Variants in SYN3 observed in about 807,000 individuals in gnomAD.
SYN3 encodes the protein synapsin III.
SYN3 carries 35 observed loss-of-function variants against 65.8 expected under a neutral mutation model. The ratio of observed to expected loss-of-function variants is 0.53; its 90% CI spans 0.41 to 0.70. The LOEUF is 0.70. Among genes scored for constraint, SYN3 ranks in the 30% least tolerant of loss-of-function variants. The pLI, the probability that SYN3 is intolerant of heterozygous loss-of-function variation, is 0.00. For missense variants in SYN3, 680 were observed against 749.0 expected (o/e 0.91, Z 1.08); for synonymous variants, 270 against 292.9 (o/e 0.92, Z 0.80).
intron 10 of SYN3, among the ~76,000 whole-genome samples, chr22:32,531,182 T>C (rs1182855885): frequency 1.8e-5 from 2 of 109,434 alleles, no homozygotes. Flanking sequence ...AAAAAAAGAA[T>C]GTGAGTACTG....
intron 6 of SYN3, among the ~76,000 whole-genome samples, chr22:32,747,361 G>T (rs1159081713): frequency 7.1e-6 from 1 of 140,074 alleles, no homozygotes; most frequent in African/African-American, 2.8e-5. Context: ...TGATGTCCAT[G>T]GGTCTGTGTT....
At chr22:32,569,814 G>A (rs771964138) in intron 7 of SYN3, among the ~76,000 whole-genome samples, 1 of 152,122 alleles carries the variant, frequency 6.6e-6, no homozygotes, top group Non-Finnish European at 1.5e-5. Flanking sequence ...CAGAGTTACT[G>A]TGAAGATTTA....
At chr22:32,682,461 T>G (rs1045983442) in intron 6 of SYN3, among the ~76,000 whole-genome samples, 2 of 152,044 alleles carry the variant, frequency 1.3e-5, no homozygotes, top group African/African-American at 2.4e-5. Context: ...AGTCTGGAGA[T>G]TACTGCAGTC....
chr22:32,688,185 C>T (rs751433670), intron 6 of SYN3, among the ~76,000 whole-genome samples: 1 of 152,152 alleles, frequency 6.6e-6, no homozygotes, highest in Non-Finnish European at 1.5e-5. Flanking sequence ...CCTTCAACCC[C>T]ACTTCCATGT....
intron 3 of SYN3, among the ~76,000 whole-genome samples, chr22:32,939,488 C>T (rs1398958567): frequency 1.3e-5 from 2 of 152,160 alleles, no homozygotes; most frequent in Non-Finnish European, 1.5e-5. Flanking sequence ...ATTTCTAGAA[C>T]CCCTGAATCC....
intron 6 of SYN3, among the ~76,000 whole-genome samples, chr22:32,738,023 T>G (rs1412727841): frequency 6.6e-6 from 1 of 152,190 alleles, no homozygotes. Context: ...CCAGGGTTTT[T>G]CTGTTGTAGC....
chr22:32,810,934 A>G (rs1298611043), intron 6 of SYN3, among the ~76,000 whole-genome samples: 2 of 152,174 alleles, frequency 1.3e-5, no homozygotes, highest in Non-Finnish European at 2.9e-5. Flanking sequence ...GCTACTCCCA[A>G]GCTTGGGCAG....
At chr22:32,607,961 A>T (rs2059393342) in intron 6 of SYN3, among the ~76,000 whole-genome samples, 1 of 152,078 alleles carries the variant, frequency 6.6e-6, no homozygotes, top group African/African-American at 2.4e-5. Context: ...GGGATCACAG[A>T]CCCTCTGGGC....
chr22:32,695,360 A>G (rs2060721390), intron 6 of SYN3, among the ~76,000 whole-genome samples: 1 of 151,762 alleles, frequency 6.6e-6, no homozygotes, highest in Non-Finnish European at 1.5e-5. Flanking sequence ...TTTTCATCCC[A>G]TGTTAGATCT....
chr22:32,736,713 A>G (rs1253745988), intron 6 of SYN3, among the ~76,000 whole-genome samples: 2 of 152,140 alleles, frequency 1.3e-5, no homozygotes, highest in African/African-American at 2.4e-5. Flanking sequence ...ACTGTCTCCT[A>G]TTTTACAGAC....
chr22:32,825,241 G>A (rs2047367398), intron 6 of SYN3, among the ~76,000 whole-genome samples: 1 of 152,078 alleles, frequency 6.6e-6, no homozygotes, highest in Admixed American at 6.5e-5. Context: ...AGGTCTGCAG[G>A]GTGGCCAGCT....
intron 6 of SYN3, among the ~76,000 whole-genome samples, chr22:32,732,058 TA>T (rs1342967420): frequency 6.6e-6 from 1 of 152,224 alleles, no homozygotes; most frequent in East Asian, 1.9e-4. Flanking sequence ...GCATGCTCAT[TA>T]TTATTGCTTT....
In SYN3 at chr22:33,039,555, C is replaced by T. The variant is rs1237277726; in HGVS notation, c.-163+18737G>A. Among the ~76,000 whole-genome samples the T allele has an allele frequency of 4.6e-5, 7 of 152,032 alleles. No individual in the cohort carries two copies. The South Asian group carries it at 6.2e-4, about 14-fold the overall frequency. On this transcript the variant is annotated intron_variant, in intron 1 of 13. Transcript: ENST00000358763. ...GATTACAGGTGCCTGCCACCACATC[C>T]GGCTAATTTTTTGTATTTTTAGTAG... is the stretch of plus-strand genomic sequence containing the variant.
At chr22:32,758,792 C>G (rs1373800066) in intron 6 of SYN3, among the ~76,000 whole-genome samples, 1 of 148,526 alleles carries the variant, frequency 6.7e-6, no homozygotes, top group Non-Finnish European at 1.5e-5. Flanking sequence ...AGGTTCTAGG[C>G]TCAGATAATT....
intron 6 of SYN3, among the ~76,000 whole-genome samples, chr22:32,827,617 C>G (rs1257700798): frequency 6.6e-6 from 1 of 152,158 alleles, no homozygotes; most frequent in African/African-American, 2.4e-5. Flanking sequence ...AGCCACTCCC[C>G]TACAATCCTT....
intron 4 of SYN3, among the ~76,000 whole-genome samples, chr22:32,882,760 A>T (rs1458051517): frequency 1.3e-5 from 2 of 152,132 alleles, no homozygotes; most frequent in African/African-American, 2.4e-5. Context: ...GCAAAATGTT[A>T]ATATTTGTCA....
At position 32,596,744 on chromosome 22, in the gene SYN3, A is replaced by G; in HGVS notation, c.712-8T>C. 6.2e-7 allele frequency: 1 copy of G among 1,613,782 alleles called. No homozygotes were observed. Among genetic ancestry groups the G allele is most frequent in the African/African-American group, 1.3e-5 (1 of 75,012 alleles). Reference sequence around the variant, plus strand: ...GAAGTGTGGGGCTGTGACCTGAAAGAGACAAGAAGAAGTCACTCTTAACAT... The same window carrying G: ...GAAGTGTGGGGCTGTGACCTGAAAGGGACAAGAAGAAGTCACTCTTAACAT... On this transcript the variant is annotated splice_polypyrimidine_tract_variant and splice_region_variant and intron_variant, in intron 6 of 13. Transcript: ENST00000358763.
chr22:32,957,321 A>G (rs911588431), intron 3 of SYN3, among the ~76,000 whole-genome samples: 1 of 152,206 alleles, frequency 6.6e-6, no homozygotes, highest in Non-Finnish European at 1.5e-5. Flanking sequence ...TGATGCAGGA[A>G]GCAGACTCGT....
intron 5 of SYN3, among the ~76,000 whole-genome samples, chr22:32,867,803 G>A (rs1386899090): frequency 3.3e-5 from 5 of 152,118 alleles, no homozygotes; most frequent in South Asian, 2.1e-4. Flanking sequence ...GCATGGTCTC[G>A]ATCTCTTGAT....
Sources: allele counts gnomAD v4.1 joint callset (sites outside exome capture counted in the v4.1 genomes callset), GRCh38; gene constraint gnomAD v4.1.1; transcripts MANE v1.5; gene names NCBI Gene and HGNC (gene_info 2026-07-23, HGNC 2026-07-21).